AZIN1: variants seen among roughly 807,000 people sequenced by gnomAD.
AZIN1 encodes ornithine decarboxylase antizyme inhibitor.
In AZIN1, 12 loss-of-function variants were observed where a neutral mutation model predicts 47.4. That is an observed-to-expected ratio of 0.25 (90% confidence interval 0.16 to 0.41). The LOEUF (loss-of-function observed/expected upper bound fraction) is 0.41, where lower values mean the gene tolerates loss of function less well. Ranked by LOEUF, AZIN1 falls within the 10% of genes least tolerant of loss-of-function variation. AZIN1 has a pLI of 1.00. For missense variants in AZIN1, 410 were observed against 532.4 expected, an observed-to-expected ratio of 0.77 and a Z score of 2.26; for synonymous variants, 155 against 176.3, an observed-to-expected ratio of 0.88 and a Z score of 0.96.
intron 2 of AZIN1, among the ~76,000 whole-genome samples, chr8:102,851,911 G>A (rs1206698606): frequency 6.6e-6 from 1 of 152,132 alleles, no homozygotes; most frequent in Non-Finnish European, 1.5e-5. Context: ...AAGTAGCACT[G>A]ATCTAGGGAC....
At position 102,836,270 on chromosome 8, in the gene AZIN1, T is replaced by C; in HGVS notation, c.570A>G (p.Gln190=). ...LLECAKELDV[Q]IIGVKFHVSS... ...CAAATACTCACTTAACCCCAATTATTTGGACATCAAGTTCCTTAGCACATT... is the reference window on the plus strand; with the variant it reads ...CAAATACTCACTTAACCCCAATTATCTGGACATCAAGTTCCTTAGCACATT... Residue 190 remains glutamine (Q), a synonymous_variant, in exon 6 of 12, where the codon CAA becomes CAG. Transcript: ENST00000337198. 1.2e-6 allele frequency: 2 copies of C among 1,613,858 alleles called. No homozygotes were observed. The highest frequency in any genetic ancestry group is 1.7e-6 in the Non-Finnish European group (2 of 1,179,866).
Position 102,828,627 on chromosome 8 carries a change from G to A in AZIN1, c.1287C>T (p.Phe429=), listed in dbSNP as rs771150258. Residue 429 remains phenylalanine (F), a synonymous_variant, in exon 12 of 12, where the codon TTC becomes TTT. Transcript: ENST00000337198. Reference sequence around the variant, plus strand: ...GCTGAATGCAAGAAGGCACAAAGAAGAAGTTCTTCATCATTGAGTCTGAAG... The same window carrying A: ...GCTGAATGCAAGAAGGCACAAAGAAAAAGTTCTTCATCATTGAGTCTGAAG... ...GITSDSMMKN[F]FFVPSCIQLS... The A allele has an allele frequency of 4.3e-6, 7 of 1,611,604 alleles. No individual in the cohort carries two copies. Among genetic ancestry groups the A allele is most frequent in the Non-Finnish European group, 5.9e-6 (7 of 1,178,162 alleles).
intron 1 of AZIN1, among the ~76,000 whole-genome samples, chr8:102,863,213 A>C (rs1813848622): frequency 6.6e-6 from 1 of 151,878 alleles, no homozygotes; most frequent in South Asian, 2.1e-4. Context: ...CCAGAGGGGG[A>C]CCGCGCTCCC....
Position 102,833,192 on chromosome 8 carries a change from C to T in AZIN1, c.768G>A (p.Leu256=). Residue 256 remains leucine (L), a synonymous_variant, in exon 9 of 12, where the codon TTG becomes TTA. Coordinates refer to ENST00000337198, the MANE Select transcript of AZIN1 (RefSeq NM_148174.4). Reference sequence around the variant, plus strand: ...CAGATCCTTCAGGAAAGTAGATATCCAACAGAGGGCTGATAACATGATTAA... The same window carrying T: ...CAGATCCTTCAGGAAAGTAGATATCTAACAGAGGGCTGATAACATGATTAA... ...EEVNHVISPL[L]DIYFPEGSGV... is the part of the protein sequence containing the mutation. The T allele has an allele frequency of 6.2e-7, 1 of 1,613,508 alleles. No individual in the cohort carries two copies. Among genetic ancestry groups the T allele is most frequent in the Non-Finnish European group, 8.5e-7 (1 of 1,179,714 alleles).
chr8:102,860,518 C>A (rs1813575491), intron 1 of AZIN1, among the ~76,000 whole-genome samples: 1 of 152,168 alleles, frequency 6.6e-6, no homozygotes, highest in South Asian at 2.1e-4. Flanking sequence ...CCACCTCGAC[C>A]TCCCAAAGTG....
At chr8:102,860,179 A>G (rs1813540392) in intron 1 of AZIN1, among the ~76,000 whole-genome samples, 1 of 152,262 alleles carries the variant, frequency 6.6e-6, no homozygotes, top group East Asian at 1.9e-4. Context: ...GTATGTAAAC[A>G]CTGCAAATTC....
intron 2 of AZIN1, among the ~76,000 whole-genome samples, chr8:102,849,690 G>A (rs866292429): frequency 7.9e-5 from 12 of 152,022 alleles, no homozygotes; most frequent in African/African-American, 1.9e-4. Flanking sequence ...ATTAACATAC[G>A]GTTGAGAAAG....
At chr8:102,856,960 T>C (rs1180685581) in intron 2 of AZIN1, among the ~76,000 whole-genome samples, 1 of 152,204 alleles carries the variant, frequency 6.6e-6, no homozygotes, top group Non-Finnish European at 1.5e-5. Context: ...CCAAGGACAG[T>C]AATACACTCA....
chr8:102,838,658 CA>C, intron 5 of AZIN1, 85 bp downstream of exon 5: 1 of 1,132,146 alleles, frequency 8.8e-7, no homozygotes, highest in Non-Finnish European at 1.2e-6. Flanking sequence ...TGCCCTACCA[CA>C]AATGCTCCTT....
intron 9 of AZIN1, among the ~76,000 whole-genome samples, chr8:102,831,682 T>C (rs1811474544): frequency 6.7e-6 from 1 of 150,156 alleles, no homozygotes; most frequent in Non-Finnish European, 1.5e-5. Context: ...CCAGGTGTAT[T>C]GACTCAAGTT....
chr8:102,853,466 C>T (rs1016457927), intron 2 of AZIN1, among the ~76,000 whole-genome samples: 14 of 152,204 alleles, frequency 9.2e-5, no homozygotes, highest in African/African-American at 3.4e-4. Flanking sequence ...CGCGCCACTG[C>T]ACTCTAGCCT....
At position 102,839,836 on chromosome 8, in the gene AZIN1, T is replaced by TAAA; in HGVS notation, c.103-16_103-14dup. On this transcript the variant is annotated splice_polypyrimidine_tract_variant and intron_variant, in intron 3 of 11. Coordinates refer to ENST00000337198, the MANE Select transcript of AZIN1 (RefSeq NM_148174.4). Reference sequence around the variant, plus strand: ...CATTTTTCCCTGTCTATTATGGTTATAAAAAAAAAGACAAATATGAACAAA... The same window carrying TAAA: ...CATTTTTCCCTGTCTATTATGGTTATAAAAAAAAAAAAGACAAATATGAACAAA... 2 of 1,527,794 alleles carry TAAA rather than the reference T, an allele frequency of 1.3e-6. No individual in the cohort carries two copies. The highest frequency in any genetic ancestry group is 2.5e-5 in the South Asian group (2 of 79,470). The allele number at this position is 1,527,794 out of a possible 1,614,324, so 94.6% of individuals were successfully genotyped here. A position where few individuals can be genotyped will look rare whatever the true frequency, so the allele number is the denominator to read the frequency against.
intron 7 of AZIN1, among the ~76,000 whole-genome samples, 162 bp from the exon 8 acceptor site, chr8:102,834,425 G>A (rs1811686342): frequency 6.6e-6 from 1 of 152,180 alleles, no homozygotes; most frequent in African/African-American, 2.4e-5. Flanking sequence ...TGTTAGGTAT[G>A]CTGTCTCTTT....
intron 1 of AZIN1, among the ~76,000 whole-genome samples, chr8:102,861,722 C>T (rs894774474): frequency 6.6e-6 from 1 of 151,454 alleles, no homozygotes; most frequent in Admixed American, 6.6e-5. Flanking sequence ...CTGGAATAGA[C>T]GAAAATAATC....
chr8:102,836,334 T>C lies in AZIN1; in HGVS notation c.506A>G (p.Lys169Arg), dbSNP rs774736206. 6.2e-7 allele frequency: 1 copy of C among 1,613,636 alleles called. No homozygotes were observed. The highest frequency in any genetic ancestry group is 1.1e-5 in the South Asian group (1 of 91,078). The change falls in exon 6 of 12, where the codon AAG becomes AGG. Residue 169 changes from lysine (K) to arginine (R), a missense_variant. Transcript: ENST00000337198. ...ACAGTTCTTCAGGGTAGTGCCAAAC[T>C]TCATGTTACCCTCTTCACCTCCAAT... is the stretch of plus-strand genomic sequence containing the variant. ...DNIGGEEGNM[K>R]FGTTLKNCRH...
At chr8:102,831,475 TAA>T (rs60399766) in intron 9 of AZIN1, among the ~76,000 whole-genome samples, 116 of 134,744 alleles carry the variant, frequency 8.6e-4, no homozygotes, top group Middle Eastern at 3.7e-3. Context: ...GCATTTAAAT[TAA>T]AAAAAAAAAA....
intron 2 of AZIN1, among the ~76,000 whole-genome samples, chr8:102,853,109 T>C (rs1217067993): frequency 6.6e-6 from 1 of 152,220 alleles, no homozygotes; most frequent in Non-Finnish European, 1.5e-5. Context: ...AAGATCAGGT[T>C]GGGTGAAGAC....
intron 7 of AZIN1, among the ~76,000 whole-genome samples, 180 bp downstream of exon 7, chr8:102,834,485 AC>A (rs1811689417): frequency 6.6e-6 from 1 of 152,072 alleles, no homozygotes; most frequent in South Asian, 2.1e-4. Context: ...TTACTATTTC[AC>A]TCCTTTACCT....
In AZIN1 at chr8:102,829,949, A is replaced by C. The variant is rs1360097274; in HGVS notation, c.905-13T>G. 1 of 1,491,310 alleles carries C rather than the reference A, an allele frequency of 6.7e-7. No individual in the cohort carries two copies. The highest frequency in any genetic ancestry group is 9.2e-7 in the Non-Finnish European group (1 of 1,083,980). 92.4% of individuals were successfully genotyped at this position (1,491,310 alleles called of 1,614,324 possible). ...CCGGTTTTTTCTACTGGAATAAAAC[A>C]GGAAAGGGGAAAATGAATTTTTAAT... On this transcript the variant is annotated splice_polypyrimidine_tract_variant and intron_variant, in intron 9 of 11. Coordinates refer to ENST00000337198, the MANE Select transcript of AZIN1 (RefSeq NM_148174.4).
Sources: gnomAD v4.1 joint callset for allele counts (sites outside exome capture counted in the v4.1 genomes callset) on GRCh38, gnomAD v4.1.1 for gene constraint, MANE v1.5 for transcripts, NCBI Gene and HGNC (gene_info 2026-07-23, HGNC 2026-07-21) for gene names.